GPSM2: variants seen among roughly 807,000 people sequenced by gnomAD.
The protein encoded by GPSM2 is G protein-signaling modulator 2.
GPSM2 carries 58 observed loss-of-function variants against 78.4 expected under a neutral mutation model. The observed-to-expected ratio is 0.74, with a 90% CI of 0.60 to 0.92. GPSM2 has a LOEUF of 0.92. GPSM2 is among the 40% of genes least tolerant of loss of function. The pLI, the probability that GPSM2 is intolerant of heterozygous loss-of-function variation, is 0.00. For synonymous variants in GPSM2, 224 were observed against 280.2 expected (o/e 0.80, Z 2.00); for missense variants, 700 against 815.5 (o/e 0.86, Z 1.73).
chr1:108,903,451 G>A (rs1648978437), intron 9 of GPSM2, among the ~76,000 whole-genome samples: 1 of 152,084 alleles, frequency 6.6e-6, no homozygotes, highest in Non-Finnish European at 1.5e-5. Context: ...AGTAAGGCCG[G>A]GCATGGGGAA....
intron 7 of GPSM2, 63 bp from the exon 8 acceptor site, chr1:108,901,727 T>C (rs545833864): frequency 1.6e-6 from 2 of 1,272,308 alleles, no homozygotes; most frequent in South Asian, 1.2e-5. Flanking sequence ...AGAGTTTTGT[T>C]TTGTGATTCT....
At chr1:108,922,303 A>G (rs1650772083) in intron 12 of GPSM2, 114 bp from the exon 13 acceptor site, 2 of 766,372 alleles carry the variant, frequency 2.6e-6, no homozygotes, top group East Asian at 5.1e-5. Context: ...CAAAATGTCA[A>G]TTTTTAATCC....
At position 108,934,223 on chromosome 1, in the gene GPSM2, C is replaced by T. The variant is rs114503620; in HGVS notation, c.*4283C>T. ...GTGTCAGTCAGACTGATCCTGGTAA[C>T]GATACTCCATGGCTGCATGAAGATG... On this transcript the variant is annotated 3_prime_UTR_variant, in exon 15 of 15. Coordinates refer to ENST00000264126, the MANE Select transcript of GPSM2 (RefSeq NM_013296.5). 0.01 allele frequency: 1,677 copies of T among 160,242 alleles called. 22 individuals carry two copies. The highest frequency in any genetic ancestry group is 0.038 in the African/African-American group (1,578 of 41,674). The allele number at this position is 160,242 out of a possible 1,614,324, so 9.9% of individuals were successfully genotyped here. A position where few individuals can be genotyped will look rare whatever the true frequency, so the allele number is the denominator to read the frequency against.
chr1:108,900,328 C>T (rs1489831765), intron 7 of GPSM2, among the ~76,000 whole-genome samples: 5 of 151,576 alleles, frequency 3.3e-5, no homozygotes, highest in Admixed American at 3.3e-4. Context: ...CAACCTCGGC[C>T]TCCCCGGTTC....
chr1:108,923,008 A>G (rs1650843686), intron 13 of GPSM2, among the ~76,000 whole-genome samples: 1 of 152,146 alleles, frequency 6.6e-6, no homozygotes, highest in South Asian at 2.1e-4. Flanking sequence ...CCTATGTCTA[A>G]AAAATATATA....
intron 2 of GPSM2, among the ~76,000 whole-genome samples, chr1:108,889,213 A>C (rs1031468678): frequency 6.6e-5 from 10 of 152,218 alleles, no homozygotes; most frequent in Non-Finnish European, 1.3e-4. Flanking sequence ...TACACTGAAC[A>C]AAGGAGACAG....
chr1:108,931,516 A>ATTCT lies in GPSM2; in HGVS notation c.*1580_*1583dup, dbSNP rs1651972062. 6.5e-7 allele frequency: 1 copy of ATTCT among 1,532,476 alleles called. No individual in the cohort carries two copies. The allele number at this position is 1,532,476 out of a possible 1,614,324, so 94.9% of individuals were successfully genotyped here. A position where few individuals can be genotyped will look rare whatever the true frequency, so the allele number is the denominator to read the frequency against. On this transcript the variant is annotated 3_prime_UTR_variant, in exon 15 of 15. Coordinates refer to ENST00000264126, the MANE Select transcript of GPSM2 (RefSeq NM_013296.5). ...ATGGGATCTGGGGATGTGGACCCCT[A>ATTCT]TTCTTTCAAAAAGTCATTCAGGTGA... is the stretch of plus-strand genomic sequence containing the variant.
chr1:108,922,060 T>TACAC (rs67181811), intron 12 of GPSM2, among the ~76,000 whole-genome samples: 1 of 151,648 alleles, frequency 6.6e-6, no homozygotes, highest in Non-Finnish European at 1.5e-5. Flanking sequence ...TTTTCTTTCT[T>TACAC]AGCTCTTACA....
In GPSM2 at chr1:108,885,440, TC is replaced by T; in HGVS notation, c.-82del. The T allele has an allele frequency of 1.3e-6, 1 of 799,600 alleles. No individual in the cohort carries two copies. The highest frequency in any genetic ancestry group is 1.5e-5 in the South Asian group (1 of 67,996). The allele number at this position is 799,600 out of a possible 1,614,324, so 49.5% of individuals were successfully genotyped here. ...CATTAATATACTAACCGGACAATGT[TC>T]TACAAACAATTCTACATTGTAAAGG... On this transcript the variant is annotated 5_prime_UTR_variant, in exon 2 of 15. An upstream open reading frame in the 5' UTR gains an earlier in-frame stop. Coordinates refer to ENST00000264126, the MANE Select transcript of GPSM2 (RefSeq NM_013296.5).
At chr1:108,922,344 C>A in intron 12 of GPSM2, 73 bp from the exon 13 acceptor site, 1 of 1,110,962 alleles carries the variant, frequency 9.0e-7, no homozygotes, top group Non-Finnish European at 1.4e-6. Flanking sequence ...TTGAATGCAT[C>A]ATGATGTTCA....
rs61440165 is a variant in GPSM2 at position 108,903,518 on chromosome 1, G to A, written c.1062+284G>A. On this transcript the variant is annotated intron_variant, in intron 9 of 14. Coordinates refer to ENST00000264126, the MANE Select transcript of GPSM2 (RefSeq NM_013296.5). Reference sequence around the variant, plus strand: ...TCTACCCGCATCTCTACATGGAGAAGTAGCATGGTATTGAAGGAAAAGCAT... The same window carrying A: ...TCTACCCGCATCTCTACATGGAGAAATAGCATGGTATTGAAGGAAAAGCAT... 0.014 allele frequency among the ~76,000 whole-genome samples: 2,150 copies of A among 152,252 alleles called. 60 individuals carry two copies. Among genetic ancestry groups the A allele is most frequent in the African/African-American group, 0.049 (2,038 of 41,538 alleles).
At chr1:108,925,797 A>G (rs1651073008) in intron 14 of GPSM2, among the ~76,000 whole-genome samples, 1 of 152,102 alleles carries the variant, frequency 6.6e-6, no homozygotes, top group Non-Finnish European at 1.5e-5. Context: ...ACCATTAGCT[A>G]GAAAATAAAT....
intron 1 of GPSM2, among the ~76,000 whole-genome samples, chr1:108,882,354 G>T (rs373462885): frequency 1.3e-5 from 2 of 152,240 alleles, no homozygotes; most frequent in South Asian, 2.1e-4. Flanking sequence ...ATATAACATG[G>T]TATAGTATTT....
In GPSM2 at chr1:108,933,855, T is replaced by C. The variant is rs1284946493; in HGVS notation, c.*3915T>C. 2 of 152,162 alleles carry C rather than the reference T, an allele frequency of 1.3e-5. No individual in the cohort carries two copies. The highest frequency in any genetic ancestry group is 6.5e-5 in the Admixed American group (1 of 15,274). 9.4% of individuals were successfully genotyped at this position (152,162 alleles called of 1,614,324 possible). ...GATCTCTAAAAATGCAAACTTCCTA[T>C]GGACAAGACAATATGATTTGCTATA... On this transcript the variant is annotated 3_prime_UTR_variant, in exon 15 of 15. Transcript: ENST00000264126.
chr1:108,899,999 A>C (rs983509654), intron 7 of GPSM2, among the ~76,000 whole-genome samples: 6 of 152,138 alleles, frequency 3.9e-5, no homozygotes, highest in African/African-American at 1.4e-4. Context: ...TAAATATAAA[A>C]ATTTCCTATA....
At chr1:108,880,268 A>G (rs2101291363) in intron 1 of GPSM2, among the ~76,000 whole-genome samples, 1 of 152,302 alleles carries the variant, frequency 6.6e-6, no homozygotes, top group East Asian at 1.9e-4. Context: ...AAGCATTTAT[A>G]ATATTTCTGC....
At chr1:108,883,137 T>A (rs553991444) in intron 1 of GPSM2, among the ~76,000 whole-genome samples, 1 of 152,078 alleles carries the variant, frequency 6.6e-6, no homozygotes, top group South Asian at 2.1e-4. Flanking sequence ...ATAAGAGGAG[T>A]ACTATTTTGT....
rs768946326 is a variant in GPSM2, at chr1:108,929,954, A to AT, written c.*22dup. 47 of 1,608,698 alleles carry AT rather than the reference A, an allele frequency of 2.9e-5. No individual in the cohort carries two copies. Among genetic ancestry groups the AT allele is most frequent in the Middle Eastern group, 1.7e-4 (1 of 5,946 alleles). On this transcript the variant is annotated 3_prime_UTR_variant, in exon 15 of 15. Coordinates refer to ENST00000264126, the MANE Select transcript of GPSM2 (RefSeq NM_013296.5). ...GCAGACCATTAGTTACTATGGATTT[A>AT]TTTTTTTTCCTTTCAAACACGGTAA...
At chr1:108,919,710 A>G (rs1650553424) in intron 12 of GPSM2, among the ~76,000 whole-genome samples, 1 of 152,030 alleles carries the variant, frequency 6.6e-6, no homozygotes, top group Non-Finnish European at 1.5e-5. Flanking sequence ...GTCTCAAAAA[A>G]AAGAGAAAAA....
Sources: gnomAD v4.1 joint callset for allele counts (sites outside exome capture counted in the v4.1 genomes callset) on GRCh38, gnomAD v4.1.1 for gene constraint, MANE v1.5 for transcripts, NCBI Gene and HGNC (gene_info 2026-07-23, HGNC 2026-07-21) for gene names.